CADM1: variants seen among roughly 807,000 people sequenced by gnomAD.
The protein encoded by CADM1 is cell adhesion molecule 1, also known as TSLC-1.
In CADM1, 15 loss-of-function variants were observed where a neutral mutation model predicts 53.1. The observed-to-expected ratio is 0.28, with a 90% CI of 0.19 to 0.44. CADM1 has a LOEUF of 0.44. Among genes scored for constraint, CADM1 ranks in the 20% least tolerant of loss-of-function variants. The probability of loss-of-function intolerance (pLI) is 1.00; values close to 1 mark genes in which losing one functional copy is unlikely to be tolerated. For missense variants in CADM1, 434 were observed against 611.3 expected, an observed-to-expected ratio of 0.71 and a Z score of 3.06; for synonymous variants, 281 against 243.0, an observed-to-expected ratio of 1.16 and a Z score of -1.45.
At chr11:115,318,750 T>C (rs1944742244) in intron 1 of CADM1, among the ~76,000 whole-genome samples, 1 of 152,080 alleles carries the variant, frequency 6.6e-6, no homozygotes, top group Admixed American at 6.5e-5. Context: ...TTGATGACTT[T>C]TAGGTACAGA....
intron 1 of CADM1, among the ~76,000 whole-genome samples, chr11:115,458,868 A>G (rs919448260): frequency 6.6e-6 from 1 of 152,170 alleles, no homozygotes; most frequent in African/African-American, 2.4e-5. Flanking sequence ...CCTCACAAAG[A>G]TCTAATAGAT....
In CADM1 at chr11:115,173,623, G is replaced by A. The variant is rs1287324994; in HGVS notation, c.*2851C>T. 3.4e-6 allele frequency: 1 copy of A among 290,268 alleles called. No individual in the cohort carries two copies. The highest frequency in any genetic ancestry group is 2.3e-5 in the African/African-American group (1 of 44,212). The allele number at this position is 290,268 out of a possible 1,614,324, so 18.0% of individuals were successfully genotyped here. A position where few individuals can be genotyped will look rare whatever the true frequency, so the allele number is the denominator to read the frequency against. On this transcript the variant is annotated 3_prime_UTR_variant, in exon 12 of 12. Coordinates refer to ENST00000331581, the MANE Select transcript of CADM1 (RefSeq NM_001301043.2). Reference sequence around the variant, plus strand: ...TAAGAAGTCCATAAAGAGATTAAAGGATCACTTTGTAACATTAATTTTTTT... The same window carrying A: ...TAAGAAGTCCATAAAGAGATTAAAGAATCACTTTGTAACATTAATTTTTTT...
chr11:115,253,702 A>T (rs1942682111), intron 1 of CADM1, among the ~76,000 whole-genome samples: 1 of 152,324 alleles, frequency 6.6e-6, no homozygotes, highest in Middle Eastern at 3.4e-3. Context: ...ATCACAGCGG[A>T]AAACTGACCA....
intron 8 of CADM1, among the ~76,000 whole-genome samples, chr11:115,201,574 G>A (rs1235025883): frequency 6.6e-6 from 1 of 152,080 alleles, no homozygotes; most frequent in African/African-American, 2.4e-5. Flanking sequence ...CATATTGTTG[G>A]GTAACATTCT....
At chr11:115,360,560 A>C (rs926078152) in intron 1 of CADM1, among the ~76,000 whole-genome samples, 1 of 152,228 alleles carries the variant, frequency 6.6e-6, no homozygotes, top group African/African-American at 2.4e-5. Flanking sequence ...AATATATCAA[A>C]GCCAGATACA....
intron 4 of CADM1, among the ~76,000 whole-genome samples, chr11:115,230,785 G>T (rs1941786129): frequency 6.6e-6 from 1 of 152,190 alleles, no homozygotes; most frequent in South Asian, 2.1e-4. Context: ...CACAAGAAAG[G>T]TGGTCCCTGT....
intron 1 of CADM1, among the ~76,000 whole-genome samples, chr11:115,407,130 C>T (rs74459434): frequency 0.012 from 1,756 of 152,116 alleles, 39 homozygotes; most frequent in African/African-American, 0.039. Context: ...TAATGATTCA[C>T]TACCTGAAAG....
At chr11:115,321,959 C>T (rs1422819555) in intron 1 of CADM1, among the ~76,000 whole-genome samples, 1 of 152,182 alleles carries the variant, frequency 6.6e-6, no homozygotes, top group Non-Finnish European at 1.5e-5. Flanking sequence ...TGGCATCATG[C>T]ATCATCCACA....
At chr11:115,257,069 A>G (rs1942812968) in intron 1 of CADM1, among the ~76,000 whole-genome samples, 1 of 152,218 alleles carries the variant, frequency 6.6e-6, no homozygotes, top group Non-Finnish European at 1.5e-5. Context: ...AACAAGCACC[A>G]ACAATTGAGG....
At position 115,354,822 on chromosome 11, in the gene CADM1, A is replaced by G. The variant is rs543008949; in HGVS notation, c.125-114402T>C. Among the ~76,000 whole-genome samples the G allele has an allele frequency of 3.1e-4, 47 of 152,314 alleles. No homozygotes were observed. The South Asian group carries it at 9.1e-3, about 30-fold the overall frequency. ...ATAACTGTCTCCAGAGTGTTTCTCC[A>G]TATCATTAAAAAAGGACTCTCAACA... On this transcript the variant is annotated intron_variant, in intron 1 of 11. Transcript: ENST00000331581.
chr11:115,308,590 A>G (rs1391520036), intron 1 of CADM1, among the ~76,000 whole-genome samples: 2 of 151,878 alleles, frequency 1.3e-5, no homozygotes, highest in Non-Finnish European at 2.9e-5. Flanking sequence ...AAAGTAACCT[A>G]TTTTTCACAT....
intron 9 of CADM1, among the ~76,000 whole-genome samples, chr11:115,195,830 T>C (rs1190421870): frequency 6.6e-6 from 1 of 152,234 alleles, no homozygotes; most frequent in African/African-American, 2.4e-5. Context: ...TTCTTTGCTG[T>C]GGGTTAAAGA....
chr11:115,411,314 T>G (rs1301011743), intron 1 of CADM1, among the ~76,000 whole-genome samples: 1 of 152,214 alleles, frequency 6.6e-6, no homozygotes, highest in East Asian at 1.9e-4. Context: ...TCCTGAACAT[T>G]ATTTCAGGCC....
chr11:115,486,729 C>T (rs1234945597), intron 1 of CADM1, among the ~76,000 whole-genome samples: 1 of 152,214 alleles, frequency 6.6e-6, no homozygotes, highest in African/African-American at 2.4e-5. Context: ...TCTCACTAGC[C>T]ATTTTAGTTT....
intron 1 of CADM1, among the ~76,000 whole-genome samples, chr11:115,409,309 A>C (rs1256228291): frequency 6.6e-6 from 1 of 152,248 alleles, no homozygotes. Context: ...AAATCCATGC[A>C]GCACAGAGTC....
chr11:115,229,690 C>T (rs1195817670), intron 4 of CADM1, among the ~76,000 whole-genome samples: 1 of 152,118 alleles, frequency 6.6e-6, no homozygotes. Context: ...GGCTGTCATG[C>T]CATTTAGAAA....
intron 1 of CADM1, among the ~76,000 whole-genome samples, chr11:115,258,515 T>G (rs955091787): frequency 1.3e-5 from 2 of 152,188 alleles, no homozygotes; most frequent in African/African-American, 4.8e-5. Context: ...CCAGCTCTGT[T>G]TCCCGACCTA....
At chr11:115,252,058 C>A (rs533560906) in intron 1 of CADM1, among the ~76,000 whole-genome samples, 1 of 152,252 alleles carries the variant, frequency 6.6e-6, no homozygotes, top group Non-Finnish European at 1.5e-5. Context: ...GTGAGAAGAA[C>A]ATTACCTATG....
At chr11:115,355,232 G>A (rs756704202) in intron 1 of CADM1, among the ~76,000 whole-genome samples, 11 of 152,160 alleles carry the variant, frequency 7.2e-5, no homozygotes, top group Non-Finnish European at 1.6e-4. Flanking sequence ...ATGGCTGATT[G>A]GATAAAGAAA....
Sources: allele counts gnomAD v4.1 joint callset (sites outside exome capture counted in the v4.1 genomes callset), GRCh38; gene constraint gnomAD v4.1.1; transcripts MANE v1.5; gene names NCBI Gene and HGNC (gene_info 2026-07-23, HGNC 2026-07-21).